Variants in SSH2 observed in about 807,000 individuals in gnomAD.
SSH2 encodes protein phosphatase Slingshot homolog 2.
In SSH2, 37 loss-of-function variants were observed where a neutral mutation model predicts 135.2. That is an observed-to-expected ratio of 0.27 (90% CI 0.21 to 0.36). The LOEUF (loss-of-function observed/expected upper bound fraction) is 0.36, where lower values mean the gene tolerates loss of function less well. Among genes scored for constraint, SSH2 ranks in the 10% least tolerant of loss-of-function variants. The pLI, the probability that SSH2 is intolerant of heterozygous loss-of-function variation, is 1.00. For synonymous variants in SSH2, 628 were observed against 646.2 expected (o/e 0.97, Z 0.43); for missense variants, 1,408 against 1,765.3 (o/e 0.80, Z 3.63).
chr17:29,715,586 T>G (rs2039596219), intron 3 of SSH2, among the ~76,000 whole-genome samples: 1 of 152,118 alleles, frequency 6.6e-6, no homozygotes, highest in South Asian at 2.1e-4. Flanking sequence ...CAGTCTATTC[T>G]CTTTGCTCCA....
intron 3 of SSH2, among the ~76,000 whole-genome samples, chr17:29,784,654 A>C (rs2041922623): frequency 6.6e-6 from 1 of 152,070 alleles, no homozygotes. Context: ...CTCCTGAATA[A>C]TGGTTGGTGA....
At chr17:29,909,002 G>A (rs765482399) in intron 1 of SSH2, among the ~76,000 whole-genome samples, 8 of 151,888 alleles carry the variant, frequency 5.3e-5, no homozygotes, top group South Asian at 2.1e-4. Context: ...GTGTGAAGCC[G>A]GGAGGTGGAG....
chr17:29,764,470 C>T (rs2041400490), intron 3 of SSH2, among the ~76,000 whole-genome samples: 1 of 152,202 alleles, frequency 6.6e-6, no homozygotes, highest in South Asian at 2.1e-4. Context: ...AGCAAGCTCT[C>T]TGTACCCATG....
chr17:29,846,716 T>G (rs2043138796), intron 2 of SSH2, among the ~76,000 whole-genome samples: 2 of 152,154 alleles, frequency 1.3e-5, no homozygotes, highest in Admixed American at 1.3e-4. Context: ...CACTGTGACA[T>G]GAAGATGAGG....
intron 13 of SSH2, 149 bp from the exon 14 acceptor site, chr17:29,648,493 T>C (rs2036466131): frequency 1.6e-6 from 1 of 619,008 alleles, no homozygotes; most frequent in South Asian, 2.3e-5. Flanking sequence ...TCATATACAT[T>C]TATAATCAAA....
intron 1 of SSH2, among the ~76,000 whole-genome samples, chr17:29,902,270 T>G (rs1325368047): frequency 6.6e-6 from 1 of 152,214 alleles, no homozygotes; most frequent in Non-Finnish European, 1.5e-5. Context: ...TACCAACTCA[T>G]ATAGATGCAT....
At chr17:29,849,997 T>G (rs2065524803) in intron 1 of SSH2, among the ~76,000 whole-genome samples, 1 of 123,268 alleles carries the variant, frequency 8.1e-6, no homozygotes, top group Non-Finnish European at 1.6e-5. Flanking sequence ...GCCATTGCAC[T>G]CCAGCCTGGG....
intron 1 of SSH2, among the ~76,000 whole-genome samples, chr17:29,870,919 G>T (rs1001494309): frequency 6.6e-6 from 1 of 152,112 alleles, no homozygotes; most frequent in African/African-American, 2.4e-5. Context: ...ACACCCCAAA[G>T]GTCAGAATGG....
At chr17:29,635,615 A>G (rs573459199) in intron 15 of SSH2, among the ~76,000 whole-genome samples, 164 of 150,730 alleles carry the variant, frequency 1.1e-3, no homozygotes, top group African/African-American at 3.5e-3. Flanking sequence ...TCACCGTGTT[A>G]GCCAGGATGG....
At position 29,630,489 on chromosome 17, in the gene SSH2, C is replaced by G. The variant is rs1384229170; in HGVS notation, c.*352G>C. 6.1e-6 allele frequency: 1 copy of G among 164,270 alleles called. No individual in the cohort carries two copies. Among genetic ancestry groups the G allele is most frequent in the African/African-American group, 2.4e-5 (1 of 41,812 alleles). 10.2% of individuals were successfully genotyped at this position (164,270 alleles called of 1,614,324 possible). A position where few individuals can be genotyped will look rare whatever the true frequency, so the allele number is the denominator to read the frequency against. ...CACCCCTCCGAATCTGCTTCCTTCC[C>G]TCAATTAAGAAACCATGCCTTTTCT... On this transcript the variant is annotated 3_prime_UTR_variant, in exon 16 of 16. Coordinates refer to ENST00000540801, the MANE Select transcript of SSH2 (RefSeq NM_001282129.2).
At chr17:29,723,573 C>T (rs575158770) in intron 3 of SSH2, among the ~76,000 whole-genome samples, 52 of 152,180 alleles carry the variant, frequency 3.4e-4, no homozygotes, top group African/African-American at 1.0e-3. Flanking sequence ...ATGTGAAGAA[C>T]GGGAAGGTAA....
At chr17:29,872,845 C>T (rs926749161) in intron 1 of SSH2, among the ~76,000 whole-genome samples, 8 of 151,494 alleles carry the variant, frequency 5.3e-5, no homozygotes, top group Non-Finnish European at 1.2e-4. Flanking sequence ...AAAACACAAA[C>T]ATTAGCTGGG....
chr17:29,925,379 T>C (rs1189337799), intron 1 of SSH2: 1 of 394,758 alleles, frequency 2.5e-6, no homozygotes, highest in East Asian at 3.6e-5. Context: ...TGAAGAGCTA[T>C]TGTACAATAT....
chr17:29,661,338 C>T lies in SSH2; in HGVS notation c.1032+5529G>A, dbSNP rs368790443. On this transcript the variant is annotated intron_variant, in intron 11 of 15. Transcript: ENST00000540801. ...TCACACAATAAAGAGGATAGACAAA[C>T]GTTTGTTAATTGGAAGATCAAATGT... Among the ~76,000 whole-genome samples, 163 of 152,194 alleles carry T rather than the reference C, an allele frequency of 1.1e-3. No homozygotes were observed. The South Asian group carries it at 0.015, about 14-fold the overall frequency.
At chr17:29,706,509 ACC>A (rs974473724) in intron 3 of SSH2, among the ~76,000 whole-genome samples, 5 of 152,092 alleles carry the variant, frequency 3.3e-5, no homozygotes, top group Admixed American at 6.5e-5. Context: ...TTCACATGCC[ACC>A]CTACTGTGGG....
chr17:29,765,140 G>A (rs1361428291), intron 3 of SSH2, among the ~76,000 whole-genome samples: 1 of 152,172 alleles, frequency 6.6e-6, no homozygotes, highest in African/African-American at 2.4e-5. Context: ...AATGTCCCTA[G>A]ATCTGTTCTT....
intron 15 of SSH2, among the ~76,000 whole-genome samples, chr17:29,635,339 C>CA (rs2035857927): frequency 6.6e-6 from 1 of 152,216 alleles, no homozygotes; most frequent in Non-Finnish European, 1.5e-5. Flanking sequence ...ACACAGCTCT[C>CA]ACTCAGGCAG....
chr17:29,751,801 T>C (rs974789838), intron 3 of SSH2, among the ~76,000 whole-genome samples: 1 of 152,070 alleles, frequency 6.6e-6, no homozygotes, highest in African/African-American at 2.4e-5. Flanking sequence ...GAAAAGTCAA[T>C]AAAATCAAGT....
At chr17:29,635,506 A>G (rs1039079099) in intron 15 of SSH2, among the ~76,000 whole-genome samples, 18 of 151,344 alleles carry the variant, frequency 1.2e-4, no homozygotes, top group East Asian at 2.0e-4. Context: ...CTGGGTTCAC[A>G]CCATTCTCCT....
Sources: gnomAD v4.1 joint callset for allele counts (sites outside exome capture counted in the v4.1 genomes callset) on GRCh38, gnomAD v4.1.1 for gene constraint, MANE v1.5 for transcripts, NCBI Gene and HGNC (gene_info 2026-07-23, HGNC 2026-07-21) for gene names.